The following MYOM1 variants were observed in gnomAD, a reference collection of about 807,000 sequenced individuals.
MYOM1 encodes myomesin-1.
In MYOM1, 164 loss-of-function variants were observed where a neutral mutation model predicts 205.3. That is an observed-to-expected ratio of 0.80 (90% CI 0.70 to 0.91). The LOEUF (loss-of-function observed/expected upper bound fraction) is 0.91. MYOM1 is among the 40% of genes least tolerant of loss of function. MYOM1 has a pLI of 0.00. For missense variants in MYOM1, 2,011 were observed against 2,127.3 expected (o/e 0.95, Z 1.08); for synonymous variants, 772 against 789.4 (o/e 0.98, Z 0.37).
At chr18:3,188,477 A>G (rs1433310564) in intron 4 of MYOM1, among the ~76,000 whole-genome samples, 1 of 147,914 alleles carries the variant, frequency 6.8e-6, no homozygotes, top group Non-Finnish European at 1.5e-5. Context: ...ACAACAACGA[A>G]AATTAGCTGG....
chr18:3,167,576 G>C (rs1288143683), intron 9 of MYOM1, among the ~76,000 whole-genome samples: 2 of 152,036 alleles, frequency 1.3e-5, no homozygotes, highest in African/African-American at 4.8e-5. Context: ...GTAGAGACAG[G>C]GTTTCACCAT....
Position 3,115,999 on chromosome 18 carries a change from A to T in MYOM1, c.3303+332T>A, listed in dbSNP as rs532019635. 5.9e-5 allele frequency among the ~76,000 whole-genome samples: 9 copies of T among 152,288 alleles called. No individual in the cohort carries two copies. In the East Asian group the frequency reaches 1.7e-3, roughly 29 times the overall value. Reference sequence around the variant, plus strand: ...CCCTAGAAAAAAGAGGAATGAAAAAATCACCTTTTGGGGATGGTAAGCAGT... The same window carrying T: ...CCCTAGAAAAAAGAGGAATGAAAAATTCACCTTTTGGGGATGGTAAGCAGT... On this transcript the variant is annotated intron_variant, in intron 21 of 37. Coordinates refer to ENST00000356443, the MANE Select transcript of MYOM1 (RefSeq NM_003803.4).
At chr18:3,127,299 ATATATATTTTTTTT>A (rs1417939836) in intron 18 of MYOM1, among the ~76,000 whole-genome samples, 5 of 49,892 alleles carry the variant, frequency 1.0e-4, no homozygotes, top group South Asian at 1.7e-3. Context: ...ATATATATAT[ATATATATTTTTTTT>A]TTTTTTTTTT....
intron 21 of MYOM1, among the ~76,000 whole-genome samples, chr18:3,112,983 G>A (rs566464372): frequency 6.6e-6 from 1 of 152,218 alleles, no homozygotes; most frequent in South Asian, 2.1e-4. Context: ...AAATAGACAT[G>A]AAATTAACAC....
chr18:3,206,907 A>G (rs1200084365), intron 2 of MYOM1, among the ~76,000 whole-genome samples: 1 of 152,170 alleles, frequency 6.6e-6, no homozygotes, highest in African/African-American at 2.4e-5. Context: ...CAAAATAAAT[A>G]GCCTTCCCTT....
intron 29 of MYOM1, 84 bp downstream of exon 29, chr18:3,089,090 A>C: frequency 1.0e-5 from 9 of 884,992 alleles, no homozygotes; most frequent in Non-Finnish European, 1.6e-5. Flanking sequence ...CTCAGATGGA[A>C]GAGATGAAAA....
intron 10 of MYOM1, among the ~76,000 whole-genome samples, chr18:3,162,899 G>T (rs1019372372): frequency 6.6e-6 from 1 of 152,000 alleles, no homozygotes; most frequent in Non-Finnish European, 1.5e-5. Context: ...GGTGGTGGGC[G>T]CCTGTAGTCC....
rs190116978 is a variant in MYOM1 at position 3,152,898 on chromosome 18, G to C, written c.1644-1005C>G. On this transcript the variant is annotated intron_variant, in intron 11 of 37. Transcript: ENST00000356443. The surrounding 1 kb of genome is among the most constrained non-coding windows in gnomAD (Gnocchi z 4.3). ...ACAATAGACAATTTCCTTATGTAAA[G>C]TGGAATAGACAACTTCCTCACTTTC... Among the ~76,000 whole-genome samples the C allele has an allele frequency of 3.1e-3, 467 of 152,236 alleles. 2 individuals carry two copies. The highest frequency in any genetic ancestry group is 0.011 in the African/African-American group (440 of 41,538).
intron 8 of MYOM1, among the ~76,000 whole-genome samples, chr18:3,173,264 T>G (rs112548535): frequency 0.021 from 3,226 of 152,354 alleles, 105 homozygotes; most frequent in African/African-American, 0.072. Flanking sequence ...TATTTAGACT[T>G]CATTTTAGAT....
At chr18:3,233,026 G>C in the MYOM1 span, among the ~76,000 whole-genome samples, 2 of 152,192 alleles carry the variant, frequency 1.3e-5, no homozygotes, top group African/African-American at 4.8e-5. Context: ...AATGGAAAGA[G>C]CATATAATAG....
At chr18:3,072,691 T>G (rs1157674973) in intron 36 of MYOM1, among the ~76,000 whole-genome samples, 1 of 144,082 alleles carries the variant, frequency 6.9e-6, no homozygotes, top group African/African-American at 2.9e-5. Context: ...CGTCATATTG[T>G]GTGTGTGTGG....
At chr18:3,226,191 A>G in the MYOM1 span, among the ~76,000 whole-genome samples, 57 of 152,348 alleles carry the variant, frequency 3.7e-4, no homozygotes, top group Non-Finnish European at 6.0e-4. The surrounding 1 kb of genome is among the most constrained non-coding windows in gnomAD (Gnocchi z 4.6). Flanking sequence ...TTCATTCGTC[A>G]GCATGAGTGG....
chr18:3,190,340 T>A (rs1043230122), intron 3 of MYOM1: 3 of 152,232 alleles, frequency 2.0e-5, no homozygotes, highest in Non-Finnish European at 4.4e-5. Flanking sequence ...ATTCTAAGAA[T>A]GATTACTTCA....
chr18:3,116,366 G>C lies in MYOM1; in HGVS notation c.3268C>G (p.Leu1090Val), dbSNP rs2079605536. The change falls in exon 21 of 38, where the codon CTC (leucine) becomes GTC (valine). Residue 1090 changes from leucine to valine, a missense_variant. Transcript: ENST00000356443. ...ACGTTTTTAATAGCCGCCTCATTGA[G>C]CCCTCGCCACTGGTCTTCTTTGGCC... Reference protein sequence around the residue: ...AKAKEDQWRGLNEAAIKNVYL... With the variant: ...AKAKEDQWRGVNEAAIKNVYL... 1.2e-6 allele frequency: 2 copies of C among 1,612,436 alleles called. No individual in the cohort carries two copies. Among genetic ancestry groups the C allele is most frequent in the Admixed American group, 1.7e-5 (1 of 59,918 alleles).
chr18:3,066,980 A>G lies in MYOM1; in HGVS notation c.*282T>C, dbSNP rs1471720658. On this transcript the variant is annotated 3_prime_UTR_variant, in exon 38 of 38. Coordinates refer to ENST00000356443, the MANE Select transcript of MYOM1 (RefSeq NM_003803.4). ...CGACACATTCGTCTGCCCTCTGACC[A>G]TCATTCAATGTCCCTCCAACTTCAT... 1 of 394,606 alleles carries G rather than the reference A, an allele frequency of 2.5e-6. No homozygotes were observed. The highest frequency in any genetic ancestry group is 4.7e-6 in the Non-Finnish European group (1 of 213,580). 24.4% of individuals were successfully genotyped at this position (394,606 alleles called of 1,614,324 possible). A position where few individuals can be genotyped will look rare whatever the true frequency, so the allele number is the denominator to read the frequency against.
chr18:3,155,028 G>T lies in MYOM1; in HGVS notation c.1562C>A (p.Ala521Asp). 1 of 1,613,424 alleles carries T rather than the reference G, an allele frequency of 6.2e-7. No homozygotes were observed. The highest frequency in any genetic ancestry group is 8.5e-7 in the Non-Finnish European group (1 of 1,179,646). ...AAPLDVKCLE[A>D]NKDYIIISWK... ...GGAGATGATGATATAATCTTTGTTG[G>T]CCTCCAAGCACTTCACATCCAAGGG... Residue 521 changes from alanine to aspartate, a missense_variant, in exon 11 of 38, where the codon GCC becomes GAC. Ala to Asp is a moderately radical substitution (Grantham distance 126). Coordinates refer to ENST00000356443, the MANE Select transcript of MYOM1 (RefSeq NM_003803.4).
intron 6 of MYOM1, among the ~76,000 whole-genome samples, chr18:3,175,464 T>G (rs952870346): frequency 6.6e-6 from 1 of 152,034 alleles, no homozygotes; most frequent in Admixed American, 6.5e-5. Flanking sequence ...AGGTTTCGTT[T>G]TCAAATTTTG....
At chr18:3,144,256 A>G (rs2080093096) in intron 13 of MYOM1, among the ~76,000 whole-genome samples, 1 of 152,212 alleles carries the variant, frequency 6.6e-6, no homozygotes, top group Non-Finnish European at 1.5e-5. Flanking sequence ...CTACATGTGA[A>G]GTAATATAAT....
At chr18:3,145,996 G>A (rs962760035) in intron 13 of MYOM1, among the ~76,000 whole-genome samples, 1 of 151,898 alleles carries the variant, frequency 6.6e-6, no homozygotes, top group African/African-American at 2.4e-5. Context: ...CTTTATGAAT[G>A]AAAAAGTTTC....
Sources: gnomAD v4.1 joint callset for allele counts (sites outside exome capture counted in the v4.1 genomes callset) on GRCh38, gnomAD v4.1.1 for gene constraint, Gnocchi (gnomAD v3.1) non-coding constraint, MANE v1.5 for transcripts, NCBI Gene and HGNC (gene_info 2026-07-23, HGNC 2026-07-21) for gene names.